Variants in OR3A2 observed in about 807,000 individuals in gnomAD.
OR3A2 encodes olfactory receptor 3A2.
For missense variants in OR3A2, 318 were observed against 392.8 expected, an observed-to-expected ratio of 0.81 and a Z score of 1.61; for synonymous variants, 126 against 159.3, an observed-to-expected ratio of 0.79 and a Z score of 1.57.
At chr17:3,305,814 G>A (rs961231934) in intron 3 of OR3A2, among the ~76,000 whole-genome samples, 6 of 152,144 alleles carry the variant, frequency 3.9e-5, no homozygotes, top group Non-Finnish European at 7.3e-5. Flanking sequence ...ATGATTAGAC[G>A]TGTGTGGACA....
chr17:3,375,667 G>A (rs1034881548), intron 2 of OR3A2, among the ~76,000 whole-genome samples: 1 of 152,112 alleles, frequency 6.6e-6, no homozygotes, highest in Non-Finnish European at 1.5e-5. Flanking sequence ...GGGTGTTATA[G>A]AACCTTGTTT....
chr17:3,304,015 T>C (rs1401010326), intron 3 of OR3A2, among the ~76,000 whole-genome samples: 1 of 142,942 alleles, frequency 7.0e-6, no homozygotes, highest in Non-Finnish European at 1.5e-5. Context: ...TATATATATG[T>C]ACCAAAATAA....
chr17:3,302,193 C>T (rs2048971126), intron 3 of OR3A2, among the ~76,000 whole-genome samples: 1 of 152,074 alleles, frequency 6.6e-6, no homozygotes, highest in South Asian at 2.1e-4. Context: ...GATTCAATGC[C>T]ATCCCCATCA....
chr17:3,329,654 A>G (rs1171939096), intron 3 of OR3A2, among the ~76,000 whole-genome samples: 4 of 140,146 alleles, frequency 2.9e-5, no homozygotes, highest in African/African-American at 1.1e-4. Flanking sequence ...GATCCTTTCA[A>G]AAAACCAGCT....
intron 3 of OR3A2, among the ~76,000 whole-genome samples, chr17:3,324,642 T>A (rs1170200274): frequency 3.3e-5 from 5 of 152,138 alleles, no homozygotes. Context: ...CCTGTTTGCC[T>A]GGGTATCAGC....
At chr17:3,354,044 AG>A (rs2049442664) in intron 2 of OR3A2, among the ~76,000 whole-genome samples, 1 of 151,652 alleles carries the variant, frequency 6.6e-6, no homozygotes, top group Non-Finnish European at 1.5e-5. Flanking sequence ...AGTTATGATG[AG>A]TAATTTTTTT....
At chr17:3,289,242 T>A (rs767064024), upstream of OR3A2, among the ~76,000 whole-genome samples, 2 of 152,252 alleles carry the variant, frequency 1.3e-5, no homozygotes, top group African/African-American at 2.4e-5. Flanking sequence ...ATTTACAACA[T>A]GATGTATTAC....
At chr17:3,356,703 GGC>G in intron 2 of OR3A2, among the ~76,000 whole-genome samples, 1 of 151,556 alleles carries the variant, frequency 6.6e-6, no homozygotes, top group South Asian at 2.1e-4. Context: ...GCCTTTGGGA[GGC>G]AAATATTGAA....
At chr17:3,336,738 A>G (rs1342109949) in intron 2 of OR3A2, among the ~76,000 whole-genome samples, 1 of 152,138 alleles carries the variant, frequency 6.6e-6, no homozygotes, top group East Asian at 1.9e-4. Flanking sequence ...ATGTCCTCTT[A>G]ACTCTTTCCC....
chr17:3,337,307 G>T (rs1454034098), intron 2 of OR3A2, among the ~76,000 whole-genome samples: 2 of 151,980 alleles, frequency 1.3e-5, no homozygotes, highest in Non-Finnish European at 2.9e-5. Context: ...TAAGTTCTAG[G>T]GTACATGTGC....
chr17:3,330,091 C>G lies in OR3A2; in HGVS notation c.-85+5942G>C, dbSNP rs1452384376. ...TGTCTGAGAGATAGTTTGTTATAAT[C>G]TCTGTTCTTTTACATTTGCTGAGGA... is the stretch of plus-strand genomic sequence containing the variant. On this transcript the variant is annotated intron_variant, in intron 3 of 4. Coordinates refer to the OR3A2 transcript ENST00000573491. Among the ~76,000 whole-genome samples, 3 of 144,778 alleles carry G rather than the reference C, an allele frequency of 2.1e-5. No individual in the cohort carries two copies. In the East Asian group the frequency reaches 5.8e-4, roughly 28 times the overall value. 95.0% of individuals were successfully genotyped at this position (144,778 alleles called of 152,430 possible).
At chr17:3,293,126 A>G (rs947618180) in intron 3 of OR3A2, among the ~76,000 whole-genome samples, 2 of 150,886 alleles carry the variant, frequency 1.3e-5, no homozygotes, top group South Asian at 2.1e-4. Context: ...CCATGACTGT[A>G]TAAGAGTTAA....
intron 3 of OR3A2, among the ~76,000 whole-genome samples, chr17:3,315,219 G>A (rs574476195): frequency 1.6e-4 from 25 of 152,242 alleles, no homozygotes; most frequent in African/African-American, 5.8e-4. Flanking sequence ...GGGACTGCTG[G>A]GTCAAATAAT....
intron 3 of OR3A2, among the ~76,000 whole-genome samples, chr17:3,313,679 G>C (rs2049060692): frequency 6.6e-6 from 1 of 152,218 alleles, no homozygotes; most frequent in Non-Finnish European, 1.5e-5. Flanking sequence ...TTTGTATTCA[G>C]TGTTCTTAAT....
intron 3 of OR3A2, among the ~76,000 whole-genome samples, chr17:3,312,731 T>C (rs2049054142): frequency 2.0e-5 from 3 of 152,152 alleles, no homozygotes. Context: ...TTCAAGTGAT[T>C]CCCCTGCCTT....
chr17:3,329,270 A>T (rs1286641040), intron 3 of OR3A2, among the ~76,000 whole-genome samples: 1 of 151,100 alleles, frequency 6.6e-6, no homozygotes, highest in Non-Finnish European at 1.5e-5. Context: ...TGATTGGAAT[A>T]GTTTCAGAAG....
intron 3 of OR3A2, among the ~76,000 whole-genome samples, chr17:3,303,947 T>TAC (rs1555525726): frequency 6.9e-6 from 1 of 144,408 alleles, no homozygotes; most frequent in East Asian, 2.0e-4. Flanking sequence ...TATATATATA[T>TAC]TAGAAGTTTT....
At chr17:3,318,885 T>G (rs1004880059) in intron 3 of OR3A2, among the ~76,000 whole-genome samples, 1 of 152,202 alleles carries the variant, frequency 6.6e-6, no homozygotes, top group Non-Finnish European at 1.5e-5. Context: ...CCCTAAGTAT[T>G]GCCATTTTTA....
intron 2 of OR3A2, among the ~76,000 whole-genome samples, chr17:3,383,512 A>T (rs1180494360): frequency 6.6e-6 from 1 of 152,228 alleles, no homozygotes; most frequent in African/African-American, 2.4e-5. Flanking sequence ...TTCCACAGCC[A>T]GTCAGGATGA....
Sources: allele counts gnomAD v4.1 joint callset (sites outside exome capture counted in the v4.1 genomes callset), GRCh38; gene constraint gnomAD v4.1.1; transcripts MANE v1.5; gene names NCBI Gene and HGNC (gene_info 2026-07-23, HGNC 2026-07-21).